Variants in BRD1 observed in about 807,000 individuals in gnomAD.
BRD1 encodes the protein bromodomain-containing protein 1.
BRD1 carries 24 observed loss-of-function variants against 107.7 expected under a neutral mutation model. The ratio of observed to expected loss-of-function variants is 0.22; its 90% confidence interval spans 0.16 to 0.31. The LOEUF is 0.31. Among genes scored for constraint, BRD1 ranks in the 10% least tolerant of loss-of-function variants. The pLI, the probability that BRD1 is intolerant of heterozygous loss-of-function variation, is 1.00. For synonymous variants in BRD1, 744 were observed against 686.1 expected (o/e 1.08, Z -1.32); for missense variants, 1,279 against 1,638.6 (o/e 0.78, Z 3.79).
intron 6 of BRD1, among the ~76,000 whole-genome samples, chr22:49,795,713 C>CTTG (rs2059518177): frequency 6.6e-6 from 1 of 152,208 alleles, no homozygotes; most frequent in East Asian, 1.9e-4. Context: ...AGGTGGGCGT[C>CTTG]TGAGAGCTGA....
At chr22:49,804,107 AG>A in intron 3 of BRD1, 96 bp downstream of exon 3, 1 of 1,087,212 alleles carries the variant, frequency 9.2e-7, no homozygotes, top group Non-Finnish European at 1.2e-6. Context: ...GCCTGAGCCC[AG>A]GGGGCAGCAC....
chr22:49,802,232 G>A (rs2059656608), intron 3 of BRD1, among the ~76,000 whole-genome samples: 1 of 76,628 alleles, frequency 1.3e-5, no homozygotes, highest in East Asian at 3.8e-4. Flanking sequence ...CGCGGGGGCC[G>A]AGACCAATGC....
rs200883151 is a variant in BRD1 at position 49,794,060 on chromosome 22, G to A, written c.2333C>T (p.Ala778Val). ...TTCCTCGCCCGCCTCCGGCCCCAGC[G>A]CAGCTCCGTCCTCTTCGAAGCCTTC... Reference protein sequence around the residue: ...GLEGFEEDGAALGPEAGEEGD... With the variant: ...GLEGFEEDGAVLGPEAGEEGD... The change falls in exon 7 of 13, where the codon GCG becomes GTG. Residue 778 changes from alanine (A) to valine (V), a missense_variant. Around this residue, in one of 7 missense-constraint regions of BRD1, gnomAD observed 406 missense variants for 519.4 expected, o/e 0.78. Coordinates refer to ENST00000404760, the MANE Select transcript of BRD1 (RefSeq NM_001304808.3). 30 of 1,613,764 alleles carry A rather than the reference G, an allele frequency of 1.9e-5. No individual in the cohort carries two copies. The highest frequency in any genetic ancestry group is 8.9e-5 in the East Asian group (4 of 44,886).
rs1290990374 is a variant in BRD1 at position 49,823,478 on chromosome 22, G to A, written c.840C>T (p.Ala280=). 1.2e-6 allele frequency: 2 copies of A among 1,608,284 alleles called. No individual in the cohort carries two copies. Among genetic ancestry groups the A allele is most frequent in the Non-Finnish European group, 1.7e-6 (2 of 1,178,774 alleles). Residue 280 remains alanine, a synonymous_variant, in exon 2 of 13, where the codon GCC becomes GCT. Coordinates refer to ENST00000404760, the MANE Select transcript of BRD1 (RefSeq NM_001304808.3). The part of the protein sequence containing the change: ...DCVLCPNKGG[A]FKKTDDDRWG... ...AGCGGTCGTCATCTGTCTTTTTGAA[G>A]GCACCACCCTTGTTGGGGCACAGCA...
chr22:49,809,103 A>G (rs958654878), intron 2 of BRD1, among the ~76,000 whole-genome samples: 1 of 152,078 alleles, frequency 6.6e-6, no homozygotes, highest in African/African-American at 2.4e-5. Context: ...TGGGCAACAT[A>G]GCAAGACTCA....
chr22:49,820,494 C>T (rs1298741751), intron 2 of BRD1, among the ~76,000 whole-genome samples: 1 of 152,130 alleles, frequency 6.6e-6, no homozygotes, highest in Non-Finnish European at 1.5e-5. Flanking sequence ...CCAGCTGAGG[C>T]TGGGAGGAGG....
chr22:49,780,634 G>A (rs1251390699), intron 8 of BRD1, among the ~76,000 whole-genome samples: 1 of 152,204 alleles, frequency 6.6e-6, no homozygotes, highest in Non-Finnish European at 1.5e-5. Flanking sequence ...GAGCTGCAAG[G>A]TGGCCTGCGC....
chr22:49,798,043 C>T lies in BRD1; in HGVS notation c.1860G>A (p.Gly620=), dbSNP rs146099862. The T allele has an allele frequency of 4.0e-4, 650 of 1,614,080 alleles. No homozygotes were observed. The highest frequency in any genetic ancestry group is 5.3e-4 in the Non-Finnish European group (620 of 1,180,024). The change falls in exon 6 of 13, where the codon GGG becomes GGA. Residue 620 remains glycine (G), a synonymous_variant. Transcript: ENST00000404760. ...ATMRKRLEAQ[G]YKNLHEFEED... ...CCTCAAACTCATGGAGGTTTTTATA[C>T]CCTTGAGCTTCTAACCGTTTCCTCA...
At chr22:49,822,852 G>C in intron 2 of BRD1, 99 bp downstream of exon 2, 1 of 1,396,954 alleles carries the variant, frequency 7.2e-7, no homozygotes, top group Non-Finnish European at 9.7e-7. Flanking sequence ...AACTAGAAAC[G>C]CAATGACCAC....
chr22:49,820,040 G>A (rs1170117843), intron 2 of BRD1, among the ~76,000 whole-genome samples: 1 of 151,812 alleles, frequency 6.6e-6, no homozygotes, highest in Non-Finnish European at 1.5e-5. Context: ...TGAGGCAGGA[G>A]AATCACTTGA....
chr22:49,801,321 C>T (rs2059636571), intron 3 of BRD1, among the ~76,000 whole-genome samples: 1 of 152,240 alleles, frequency 6.6e-6, no homozygotes, highest in African/African-American at 2.4e-5. Context: ...GCGCAGCCAG[C>T]ACAGACCCGC....
At position 49,824,895 on chromosome 22, in the gene BRD1, C is replaced by T; in HGVS notation, c.-14-564G>A. The T allele has an allele frequency of 1.1e-6, 1 of 886,586 alleles. No homozygotes were observed. 54.9% of individuals were successfully genotyped at this position (886,586 alleles called of 1,614,324 possible). On this transcript the variant is annotated intron_variant, in intron 1 of 12. Transcript: ENST00000404760. This position sits in a 1 kb window ranked among gnomAD's most constrained non-coding sequence, Gnocchi z 5.9. ...CACCACAGTCCTTGCAGCATTCCTG[C>T]TGGGGCCAGGGGTAGGAGACAGATC...
rs1411742143 is a variant in BRD1, at chr22:49,783,823, A to G, written c.2857+3567T>C. On this transcript the variant is annotated intron_variant, in intron 8 of 12. Transcript: ENST00000404760. This position sits in a 1 kb window ranked among gnomAD's most constrained non-coding sequence, Gnocchi z 4.2. ...GAGGATGTTTGAGCTGATGATTCCA[A>G]TGTGATCCGCAAGAATTAAGTGAAA... Among the ~76,000 whole-genome samples the G allele has an allele frequency of 6.6e-6, 1 of 152,192 alleles. No homozygotes were observed. The highest frequency in any genetic ancestry group is 2.4e-5 in the African/African-American group (1 of 41,450).
chr22:49,826,170 T>A (rs988666821), intron 1 of BRD1: 2 of 985,294 alleles, frequency 2.0e-6, no homozygotes, highest in Admixed American at 6.1e-5. Context: ...AACGAACCTG[T>A]CATTTTCCCC....
Position 49,787,830 on chromosome 22 carries a change from G to GA in BRD1, c.2416dup (p.Ser806PhefsTer4). ...GGTTGGTGGTTCTGAATTAGTCTCC[G>GA]AGTTTGAAGGAAGAGGTAATGCATC... On this transcript the variant is annotated frameshift_variant, in exon 8 of 13. Transcript: ENST00000404760. LOFTEE classifies it high-confidence loss of function. 6.4e-7 allele frequency: 1 copy of GA among 1,550,504 alleles called. No homozygotes were observed. Among genetic ancestry groups the GA allele is most frequent in the Non-Finnish European group, 8.7e-7 (1 of 1,146,790 alleles).
chr22:49,823,480 C>T lies in BRD1; in HGVS notation c.838G>A (p.Ala280Thr). 2 of 1,608,316 alleles carry T rather than the reference C, an allele frequency of 1.2e-6. No homozygotes were observed. The highest frequency in any genetic ancestry group is 1.7e-5 in the Admixed American group (1 of 60,014). ...DCVLCPNKGG[A>T]FKKTDDDRWG... ...CGGTCGTCATCTGTCTTTTTGAAGGCACCACCCTTGTTGGGGCACAGCACA... is the reference window on the plus strand; with the variant it reads ...CGGTCGTCATCTGTCTTTTTGAAGGTACCACCCTTGTTGGGGCACAGCACA... The change falls in exon 2 of 13, where the codon GCC (alanine) becomes ACC (threonine). Residue 280 changes from alanine (A) to threonine (T), a missense_variant. Ala to Thr is a moderately conservative substitution (Grantham distance 58, BLOSUM62 0). Coordinates refer to ENST00000404760, the MANE Select transcript of BRD1 (RefSeq NM_001304808.3).
chr22:49,799,306 AGACAGAGGGGATGGAGGGGACAGAGGG>A (rs910342860), intron 3 of BRD1, among the ~76,000 whole-genome samples, 187 bp from the exon 4 acceptor site: 1 of 140,346 alleles, frequency 7.1e-6, no homozygotes, highest in Non-Finnish European at 1.7e-5. Context: ...GGGACAGAGG[AGACAGAGGGGATGGAGGGGACAGAGGG>A]GACCGCCAGG....
chr22:49,803,263 G>A lies in BRD1; in HGVS notation c.1524+941C>T, dbSNP rs1232151039. Among the ~76,000 whole-genome samples, 4 of 152,226 alleles carry A rather than the reference G, an allele frequency of 2.6e-5. No individual in the cohort carries two copies. Among genetic ancestry groups the A allele is most frequent in the Middle Eastern group, 3.4e-3 (1 of 294 alleles). ...CGCACCACCGCACGGGGACCCAACC[G>A]TGAACCCTGTAGACTCAAGCTTCCT... is the stretch of plus-strand genomic sequence containing the variant. On this transcript the variant is annotated intron_variant, in intron 3 of 12. Transcript: ENST00000404760. This position sits in a 1 kb window ranked among gnomAD's most constrained non-coding sequence, Gnocchi z 4.4.
chr22:49,808,883 C>A (rs1285388875), intron 2 of BRD1, among the ~76,000 whole-genome samples: 1 of 152,160 alleles, frequency 6.6e-6, no homozygotes, highest in Non-Finnish European at 1.5e-5. Flanking sequence ...CTTTTGGAAG[C>A]CGAGGCAGGC....
Sources: allele counts gnomAD v4.1 joint callset (sites outside exome capture counted in the v4.1 genomes callset), GRCh38; gene constraint gnomAD v4.1.1; regional missense constraint gnomAD v4.1.1; non-coding constraint Gnocchi (gnomAD v3.1); transcripts MANE v1.5; gene names NCBI Gene and HGNC (gene_info 2026-07-23, HGNC 2026-07-21).